The following TULP4 variants were observed in gnomAD, a reference collection of about 807,000 sequenced individuals.
The protein encoded by TULP4 is tubby-related protein 4.
In TULP4, 16 loss-of-function variants were observed where a neutral mutation model predicts 129.0. The ratio of observed to expected loss-of-function variants is 0.12; its 90% CI spans 0.08 to 0.19. The LOEUF (loss-of-function observed/expected upper bound fraction) is 0.19, where lower values mean the gene tolerates loss of function less well. Among genes scored for constraint, TULP4 ranks in the 10% least tolerant of loss-of-function variants. The pLI is 1.00. For synonymous variants in TULP4, 998 were observed against 854.0 expected (o/e 1.17, Z -2.94); for missense variants, 1,842 against 2,059.1 (o/e 0.89, Z 2.04).
chr6:158,233,221 C>T (rs1396256099), intron 1 of TULP4, among the ~76,000 whole-genome samples: 2 of 152,198 alleles, frequency 1.3e-5, no homozygotes, highest in Non-Finnish European at 2.9e-5. Context: ...ATCAGAAAGT[C>T]TCTTAAGACT....
chr6:158,363,789 G>GTT (rs145945418), intron 1 of TULP4, among the ~76,000 whole-genome samples: 1 of 149,090 alleles, frequency 6.7e-6, no homozygotes, highest in Non-Finnish European at 1.5e-5. Flanking sequence ...AAGGCCGCGT[G>GTT]TTTTTTTTTT....
At chr6:158,357,273 T>G (rs1380239452) in intron 1 of TULP4, among the ~76,000 whole-genome samples, 1 of 152,256 alleles carries the variant, frequency 6.6e-6, no homozygotes, top group Non-Finnish European at 1.5e-5. Flanking sequence ...ATGCATTTTT[T>G]AATGAAACGT....
At chr6:158,240,292 C>A (rs1777853150) in intron 1 of TULP4, among the ~76,000 whole-genome samples, 1 of 82,772 alleles carries the variant, frequency 1.2e-5, no homozygotes, top group African/African-American at 4.2e-5. Flanking sequence ...GTAGGGGTGG[C>A]CGGGCAGAGG....
chr6:158,443,974 C>T (rs1419085657), intron 3 of TULP4, among the ~76,000 whole-genome samples: 5 of 151,972 alleles, frequency 3.3e-5, no homozygotes, highest in African/African-American at 4.8e-5. Context: ...AATCCCAGCA[C>T]TTTGGGGGGC....
intron 1 of TULP4, among the ~76,000 whole-genome samples, chr6:158,314,668 A>G (rs1779447737): frequency 1.3e-5 from 2 of 152,174 alleles, no homozygotes; most frequent in Admixed American, 6.5e-5. Flanking sequence ...CTGATGTCCC[A>G]CTGACAGTGT....
At chr6:158,331,745 G>GTATATA (rs1562523255) in intron 1 of TULP4, among the ~76,000 whole-genome samples, 485 of 15,676 alleles carry the variant, frequency 0.031, 69 homozygotes, top group Non-Finnish European at 0.072. Flanking sequence ...ATATATATAC[G>GTATATA]TGTATATACA....
upstream of TULP4, among the ~76,000 whole-genome samples, chr6:158,279,432 C>T (rs1778708758): frequency 6.6e-6 from 1 of 152,134 alleles, no homozygotes; most frequent in South Asian, 2.1e-4. Flanking sequence ...TTTCCCTTCA[C>T]TGCTGTGTTC....
chr6:158,362,045 C>T (rs948619735), intron 1 of TULP4, among the ~76,000 whole-genome samples: 1 of 152,182 alleles, frequency 6.6e-6, no homozygotes, highest in South Asian at 2.1e-4. Context: ...TTTGCGATTA[C>T]TTTTATTGGA....
At chr6:158,400,794 A>AAGCT (rs1777824863) in intron 1 of TULP4, among the ~76,000 whole-genome samples, 1 of 152,062 alleles carries the variant, frequency 6.6e-6, no homozygotes, top group East Asian at 1.9e-4. Context: ...AGAGCTCAGT[A>AAGCT]AGCTAGCCGA....
Position 158,498,857 on chromosome 6 carries a change from G to A in TULP4, c.2014+45G>A, listed in dbSNP as rs1003450694. The stretch of plus-strand genomic sequence containing the variant: ...CGTGTTTGTCACGGTCCCTCTGTCA[G>A]TAGATCATGCAAGGGGGACAGAGCG... On this transcript the variant is annotated intron_variant, in intron 12 of 13. Transcript: ENST00000367097. 2.5e-6 allele frequency: 4 copies of A among 1,607,434 alleles called. No individual in the cohort carries two copies. In the African/African-American group the frequency reaches 5.3e-5, roughly 21 times the overall value.
chr6:158,335,903 G>T (rs1238780627), intron 1 of TULP4, among the ~76,000 whole-genome samples: 1 of 152,214 alleles, frequency 6.6e-6, no homozygotes, highest in Non-Finnish European at 1.5e-5. Flanking sequence ...AGATAATGCT[G>T]CAGTGAATAA....
chr6:158,372,784 T>C (rs555319598), intron 1 of TULP4, among the ~76,000 whole-genome samples: 21 of 152,366 alleles, frequency 1.4e-4, no homozygotes, highest in African/African-American at 5.0e-4. Flanking sequence ...ACCATATTTC[T>C]AAAGTGTCAT....
Position 158,481,309 on chromosome 6 carries a change from G to A in TULP4, c.1486+20G>A. 1 of 1,602,002 alleles carries A rather than the reference G, an allele frequency of 6.2e-7. No individual in the cohort carries two copies. Among genetic ancestry groups the A allele is most frequent in the Non-Finnish European group, 8.5e-7 (1 of 1,173,550 alleles). On this transcript the variant is annotated intron_variant, in intron 8 of 13. Coordinates refer to ENST00000367097, the MANE Select transcript of TULP4 (RefSeq NM_020245.5). The stretch of plus-strand genomic sequence containing the variant: ...AACCAGGTGGGCCCCTCACCCGAGG[G>A]ACTGGGACCTTGTTCTCCTGTGGTC...
chr6:158,341,629 A>C (rs1780183230), intron 1 of TULP4, among the ~76,000 whole-genome samples: 1 of 151,928 alleles, frequency 6.6e-6, no homozygotes, highest in Admixed American at 6.5e-5. Flanking sequence ...ATGGTATCCC[A>C]TTGTAGTTTT....
chr6:158,252,290 T>G (rs978472467), intron 1 of TULP4, among the ~76,000 whole-genome samples: 2 of 152,098 alleles, frequency 1.3e-5, no homozygotes, highest in Non-Finnish European at 2.9e-5. Context: ...CCTTGATTTT[T>G]TAGAAAGTCT....
At chr6:158,484,892 A>G (rs1407317226) in intron 8 of TULP4, among the ~76,000 whole-genome samples, 1 of 152,262 alleles carries the variant, frequency 6.6e-6, no homozygotes, top group Admixed American at 6.5e-5. Context: ...GTTTTTCTGG[A>G]GAACCCTGAC....
intron 1 of TULP4, among the ~76,000 whole-genome samples, chr6:158,341,041 C>G (rs571050661): frequency 6.6e-6 from 1 of 152,258 alleles, no homozygotes; most frequent in South Asian, 2.1e-4. Flanking sequence ...TTCTATCTGA[C>G]TGTATTTTTA....
upstream of TULP4, among the ~76,000 whole-genome samples, chr6:158,278,470 A>G (rs879552831): frequency 6.6e-6 from 1 of 151,758 alleles, no homozygotes; most frequent in Non-Finnish European, 1.5e-5. Context: ...GTACTAAACT[A>G]TTATCTGTAT....
At chr6:158,430,417 A>G (rs1014083583) in intron 3 of TULP4, among the ~76,000 whole-genome samples, 1 of 152,246 alleles carries the variant, frequency 6.6e-6, no homozygotes, top group Non-Finnish European at 1.5e-5. Context: ...TGAGAAAATA[A>G]CATATAATAA....
Sources: allele counts gnomAD v4.1 joint callset (sites outside exome capture counted in the v4.1 genomes callset), GRCh38; gene constraint gnomAD v4.1.1; transcripts MANE v1.5; gene names NCBI Gene and HGNC (gene_info 2026-07-23, HGNC 2026-07-21).